The following NBEAL1 variants were observed in gnomAD, a reference collection of about 807,000 sequenced individuals.
NBEAL1 encodes neurobeachin-like protein 1.
Under a neutral mutation model 351.3 loss-of-function variants are expected in NBEAL1, and 273 were observed. The observed-to-expected ratio is 0.78, with a 90% CI of 0.70 to 0.86. The LOEUF is 0.86. Among genes scored for constraint, NBEAL1 ranks in the 40% least tolerant of loss-of-function variants. NBEAL1 has a pLI of 0.00. For missense variants in NBEAL1, 2,961 were observed against 3,201.3 expected (o/e 0.92, Z 1.81); for synonymous variants, 1,050 against 1,086.4 (o/e 0.97, Z 0.66).
chr2:203,110,137 G>A lies in NBEAL1; in HGVS notation c.1950-13G>A, dbSNP rs190414453. The stretch of plus-strand genomic sequence containing the variant: ...CCAACTTTAAAAGTTCTGATAATAC[G>A]TATTTTTTTTAGTTTTTTTACAGGA... On this transcript the variant is annotated splice_polypyrimidine_tract_variant and intron_variant, in intron 14 of 55. Coordinates refer to ENST00000683969, the MANE Select transcript of NBEAL1 (RefSeq NM_001378026.1). The A allele has an allele frequency of 3.6e-5, 55 of 1,542,922 alleles. No homozygotes were observed. The East Asian group carries it at 7.4e-4, about 21-fold the overall frequency.
rs752648334 is a variant in NBEAL1 at position 203,167,357 on chromosome 2, A to C, written c.5994A>C (p.Lys1998Asn). ...DQSNYFLNFK[K>N]EVRNKIYSRL... ...CCAACTACTTTCTCAATTTCAAAAA[A>C]GAGGTATGTATTATGGTTTCAGGAA... Residue 1998 changes from lysine (K) to asparagine (N), a missense_variant, in exon 38 of 56, where the codon AAA (lysine) becomes AAC (asparagine). Transcript: ENST00000683969. 85 of 1,609,386 alleles carry C rather than the reference A, an allele frequency of 5.3e-5. No individual in the cohort carries two copies. Among genetic ancestry groups the C allele is most frequent in the Non-Finnish European group, 7.0e-5 (83 of 1,178,386 alleles).
At chr2:203,191,431 T>C (rs2065085373) in intron 46 of NBEAL1, 1 of 459,666 alleles carries the variant, frequency 2.2e-6, no homozygotes, top group African/African-American at 1.9e-5. Flanking sequence ...ATTAAATCAT[T>C]ATCTTCCTGA....
In NBEAL1 at chr2:203,081,945, T is replaced by C. The variant is rs778344835; in HGVS notation, c.685-1274T>C. ...GGGAGACCCTGTCTCTACAAAAAAG[T>C]TTTTTTAAATTAGTCAGGTATGATG... On this transcript the variant is annotated intron_variant, in intron 8 of 55. Coordinates refer to ENST00000683969, the MANE Select transcript of NBEAL1 (RefSeq NM_001378026.1). 2.3e-4 allele frequency among the ~76,000 whole-genome samples: 35 copies of C among 152,072 alleles called. 1 individual carries two copies. The highest frequency in any genetic ancestry group is 4.9e-4 in the Non-Finnish European group (33 of 68,006).
At position 203,083,281 on chromosome 2, in the gene NBEAL1, T is replaced by C; in HGVS notation, c.747T>C (p.Asp249=). The change falls in exon 9 of 56, where the codon GAT becomes GAC. Residue 249 remains aspartate, a synonymous_variant. Transcript: ENST00000683969. ...TMEVLMRVLA[D]CDSWEDGDPE... is the part of the protein sequence containing the mutation. ...AAGTTCTTATGCGAGTATTGGCAGA[T>C]TGTGATTCCTGGGAGGATGGAGATC... 6.4e-7 allele frequency: 1 copy of C among 1,552,606 alleles called. No individual in the cohort carries two copies. Among genetic ancestry groups the C allele is most frequent in the Non-Finnish European group, 8.7e-7 (1 of 1,147,240 alleles).
At chr2:203,134,930 C>T (rs1479619398) in intron 27 of NBEAL1, among the ~76,000 whole-genome samples, 1 of 152,146 alleles carries the variant, frequency 6.6e-6, no homozygotes, top group African/African-American at 2.4e-5. Context: ...AATCCCAGCA[C>T]TTTGGGAAGC....
intron 17 of NBEAL1, among the ~76,000 whole-genome samples, chr2:203,115,349 C>G (rs545092138): frequency 4.6e-5 from 7 of 152,002 alleles, no homozygotes; most frequent in Non-Finnish European, 8.8e-5. Context: ...GTCTCAAACT[C>G]CTGACCTCAG....
intron 10 of NBEAL1, among the ~76,000 whole-genome samples, chr2:203,086,574 A>T (rs1006150046): frequency 6.6e-6 from 1 of 152,106 alleles, no homozygotes; most frequent in Non-Finnish European, 1.5e-5. Flanking sequence ...TGCTTAAATC[A>T]CCCAGGCTGG....
chr2:203,083,959 CT>C (rs2061917780), intron 9 of NBEAL1, among the ~76,000 whole-genome samples: 3 of 137,824 alleles, frequency 2.2e-5, no homozygotes, highest in Admixed American at 7.3e-5. Context: ...GTTTTTGTTT[CT>C]TTTTTTCCTC....
At chr2:203,209,033 AT>A in intron 52 of NBEAL1, 127 bp from the exon 53 acceptor site, 1 of 744,426 alleles carries the variant, frequency 1.3e-6, no homozygotes, top group East Asian at 2.7e-5. Context: ...AGGTGCATGT[AT>A]CCTTGATGGA....
intron 3 of NBEAL1, among the ~76,000 whole-genome samples, chr2:203,049,176 A>G (rs2061281984): frequency 6.6e-6 from 1 of 152,078 alleles, no homozygotes; most frequent in Non-Finnish European, 1.5e-5. Flanking sequence ...GTGATAACCT[A>G]TAGGATAATT....
At chr2:203,185,381 A>G (rs145964920) in intron 44 of NBEAL1, among the ~76,000 whole-genome samples, 18 of 152,326 alleles carry the variant, frequency 1.2e-4, no homozygotes, top group African/African-American at 4.1e-4. Context: ...GCTTAAAAGT[A>G]TAGCCATTTT....
intron 2 of NBEAL1, among the ~76,000 whole-genome samples, chr2:203,018,549 G>T (rs531004046): frequency 6.6e-6 from 1 of 152,074 alleles, no homozygotes; most frequent in Non-Finnish European, 1.5e-5. Flanking sequence ...GTTTTTGTTT[G>T]TTTTTACCTC....
At chr2:203,134,390 C>T (rs935182771) in intron 27 of NBEAL1, among the ~76,000 whole-genome samples, 1 of 152,112 alleles carries the variant, frequency 6.6e-6, no homozygotes, top group African/African-American at 2.4e-5. Context: ...TGTTATTCTG[C>T]ACCTATAAAG....
At chr2:203,188,368 G>C in intron 44 of NBEAL1, 104 bp from the exon 45 acceptor site, 1 of 556,402 alleles carries the variant, frequency 1.8e-6, no homozygotes, top group Non-Finnish European at 3.0e-6. Flanking sequence ...AGAAAGATTT[G>C]TGTGTGGAAA....
At chr2:203,083,559 C>T (rs1391969056) in intron 9 of NBEAL1, 34 bp downstream of exon 9, 3 of 1,447,332 alleles carry the variant, frequency 2.1e-6, no homozygotes, top group Non-Finnish European at 2.8e-6. Flanking sequence ...TTTTCTGAGT[C>T]TGTTTTTTAT....
chr2:203,069,280 T>C (rs1398225899), intron 7 of NBEAL1, among the ~76,000 whole-genome samples: 1 of 152,180 alleles, frequency 6.6e-6, no homozygotes, highest in Non-Finnish European at 1.5e-5. Flanking sequence ...AATCCTTTGA[T>C]TGCTTGCTGA....
chr2:203,029,821 T>C (rs894730228), intron 2 of NBEAL1, among the ~76,000 whole-genome samples: 5 of 152,246 alleles, frequency 3.3e-5, no homozygotes, highest in Non-Finnish European at 7.3e-5. Context: ...ACTTTTGTTT[T>C]TGTTAAAGTG....
intron 2 of NBEAL1, among the ~76,000 whole-genome samples, chr2:203,031,610 A>G (rs574478939): frequency 8.1e-4 from 124 of 152,326 alleles, no homozygotes; most frequent in African/African-American, 2.8e-3. Flanking sequence ...AATTTCAAAG[A>G]TGTCAAATGT....
intron 27 of NBEAL1, among the ~76,000 whole-genome samples, chr2:203,134,869 G>A (rs751969103): frequency 8.5e-5 from 13 of 152,072 alleles, no homozygotes; most frequent in Non-Finnish European, 1.8e-4. Flanking sequence ...CTTTAGTGTA[G>A]ACATACTGAA....
Sources: allele counts gnomAD v4.1 joint callset (sites outside exome capture counted in the v4.1 genomes callset), GRCh38; gene constraint gnomAD v4.1.1; transcripts MANE v1.5; gene names NCBI Gene and HGNC (gene_info 2026-07-23, HGNC 2026-07-21).